PCDH9: variants seen among roughly 807,000 people sequenced by gnomAD.
The protein encoded by PCDH9 is protocadherin-9.
PCDH9 carries 24 observed loss-of-function variants against 70.6 expected under a neutral mutation model. The ratio of observed to expected loss-of-function variants is 0.34; its 90% CI spans 0.25 to 0.48. PCDH9 has a LOEUF of 0.48. Among genes scored for constraint, PCDH9 ranks in the 20% least tolerant of loss-of-function variants. The probability of loss-of-function intolerance (pLI) is 0.99; values close to 1 mark genes in which losing one functional copy is unlikely to be tolerated. For missense variants in PCDH9, 1,281 were observed against 1,503.6 expected, an observed-to-expected ratio of 0.85 and a Z score of 2.45; for synonymous variants, 562 against 558.5, an observed-to-expected ratio of 1.01 and a Z score of -0.09.
rs190611749 is a variant in PCDH9 at position 66,634,922 on chromosome 13, G to C, written c.3139-3511C>G. 3.0e-3 allele frequency among the ~76,000 whole-genome samples: 463 copies of C among 152,208 alleles called. 1 individual carries two copies. Among genetic ancestry groups the C allele is most frequent in the African/African-American group, 0.011 (440 of 41,536 alleles). ...CTGAGGTGACGCAGCTCTTAGTGTG[G>C]GGTGGGAAAGACTAAAAACCAGGAA... On this transcript the variant is annotated intron_variant, in intron 3 of 4. Coordinates refer to ENST00000377865, the MANE Select transcript of PCDH9 (RefSeq NM_203487.3).
chr13:66,699,285 G>C (rs1056773557), intron 3 of PCDH9, among the ~76,000 whole-genome samples: 41 of 152,150 alleles, frequency 2.7e-4, no homozygotes, highest in African/African-American at 9.4e-4. Context: ...GAAATCATGT[G>C]ACAAATCACT....
intron 4 of PCDH9, among the ~76,000 whole-genome samples, chr13:66,578,919 C>A (rs1025648484): frequency 6.6e-6 from 1 of 152,050 alleles, no homozygotes; most frequent in Non-Finnish European, 1.5e-5. Context: ...AATCTTTGCA[C>A]ATCTGAGTGA....
intron 2 of PCDH9, among the ~76,000 whole-genome samples, chr13:67,199,894 G>A (rs150175809): frequency 1.3e-5 from 2 of 151,922 alleles, no homozygotes; most frequent in African/African-American, 4.8e-5. Flanking sequence ...GCAAGCTGAT[G>A]GTATTTTCAT....
intron 4 of PCDH9, among the ~76,000 whole-genome samples, chr13:66,572,464 T>C (rs2076746166): frequency 6.6e-6 from 1 of 152,140 alleles, no homozygotes; most frequent in African/African-American, 2.4e-5. Context: ...ACATGTTATA[T>C]TCGTCTTTCT....
chr13:67,214,167 T>C (rs947458040), intron 2 of PCDH9: 6 of 152,224 alleles, frequency 3.9e-5, no homozygotes, highest in African/African-American at 9.6e-5. Flanking sequence ...AACTTGTATA[T>C]TGAGACATGA....
At chr13:66,829,143 G>A (rs986037191) in intron 3 of PCDH9, among the ~76,000 whole-genome samples, 1 of 151,840 alleles carries the variant, frequency 6.6e-6, no homozygotes, top group Non-Finnish European at 1.5e-5. Context: ...GCAGCTTCCC[G>A]AGTAGCTGGG....
At chr13:67,192,593 G>C (rs926532383) in intron 2 of PCDH9, among the ~76,000 whole-genome samples, 3 of 152,074 alleles carry the variant, frequency 2.0e-5, no homozygotes, top group Non-Finnish European at 2.9e-5. Context: ...CAAAATTAGG[G>C]GGGTGGTATT....
At chr13:66,923,116 C>T (rs1032312079) in intron 2 of PCDH9, among the ~76,000 whole-genome samples, 2 of 151,442 alleles carry the variant, frequency 1.3e-5, no homozygotes, top group Non-Finnish European at 1.5e-5. Flanking sequence ...AAACTAAATA[C>T]TTGGTGAGTA....
chr13:66,870,673 C>G (rs1242183348), intron 3 of PCDH9, among the ~76,000 whole-genome samples: 1 of 152,120 alleles, frequency 6.6e-6, no homozygotes, highest in South Asian at 2.1e-4. Flanking sequence ...AAATGCAAAT[C>G]AAAACCACAG....
At chr13:67,199,741 A>G (rs2138047618) in intron 2 of PCDH9, among the ~76,000 whole-genome samples, 1 of 152,210 alleles carries the variant, frequency 6.6e-6, no homozygotes, top group Non-Finnish European at 1.5e-5. Flanking sequence ...TGGACTTTTA[A>G]ACATTTAACT....
At chr13:66,826,641 G>A (rs2080828449) in intron 3 of PCDH9, among the ~76,000 whole-genome samples, 1 of 151,942 alleles carries the variant, frequency 6.6e-6, no homozygotes, top group Admixed American at 6.6e-5. Flanking sequence ...TGTGGTGAAG[G>A]CAATAAGATA....
At chr13:67,038,047 G>A (rs1261836627) in intron 2 of PCDH9, among the ~76,000 whole-genome samples, 4 of 152,082 alleles carry the variant, frequency 2.6e-5, no homozygotes, top group African/African-American at 7.2e-5. Context: ...GATGAGGGGC[G>A]TGAAGGGAGG....
intron 2 of PCDH9, among the ~76,000 whole-genome samples, chr13:67,166,819 G>A (rs2088131201): frequency 6.6e-6 from 1 of 152,080 alleles, no homozygotes; most frequent in African/African-American, 2.4e-5. Context: ...GCGTTTGTCT[G>A]GCTAAAAGAC....
chr13:66,595,003 A>C (rs1403004094), intron 4 of PCDH9, among the ~76,000 whole-genome samples: 3 of 151,412 alleles, frequency 2.0e-5, no homozygotes, highest in South Asian at 2.1e-4. Flanking sequence ...AAAAAAAAAA[A>C]AAACTTAAAA....
At chr13:66,346,952 A>G (rs1956220937) in intron 4 of PCDH9, among the ~76,000 whole-genome samples, 1 of 152,208 alleles carries the variant, frequency 6.6e-6, no homozygotes, top group Non-Finnish European at 1.5e-5. Flanking sequence ...TACAAATGCT[A>G]ATTTCCCCCC....
intron 2 of PCDH9, among the ~76,000 whole-genome samples, chr13:67,096,100 G>T (rs974770682): frequency 1.3e-5 from 2 of 152,026 alleles, no homozygotes; most frequent in Non-Finnish European, 2.9e-5. Context: ...TCAGATACCC[G>T]AATAGAGAAC....
chr13:66,384,313 T>C (rs2138250511), intron 4 of PCDH9, among the ~76,000 whole-genome samples: 1 of 152,258 alleles, frequency 6.6e-6, no homozygotes, highest in South Asian at 2.1e-4. Context: ...ATGTGGAATG[T>C]TAAATGTATT....
At chr13:66,749,836 C>A in intron 3 of PCDH9, among the ~76,000 whole-genome samples, 1 of 152,126 alleles carries the variant, frequency 6.6e-6, no homozygotes, top group East Asian at 1.9e-4. Context: ...ATCACAGAGA[C>A]TTGACACTGC....
At chr13:66,970,423 G>T (rs965598844) in intron 2 of PCDH9, among the ~76,000 whole-genome samples, 3 of 151,636 alleles carry the variant, frequency 2.0e-5, no homozygotes, top group Non-Finnish European at 2.9e-5. Flanking sequence ...GAGGCCAGGA[G>T]TTCAAGACCA....
Sources: gnomAD v4.1 joint callset for allele counts (sites outside exome capture counted in the v4.1 genomes callset) on GRCh38, gnomAD v4.1.1 for gene constraint, MANE v1.5 for transcripts, NCBI Gene and HGNC (gene_info 2026-07-23, HGNC 2026-07-21) for gene names.